The following FGF14 variants were observed in gnomAD, a reference collection of about 807,000 sequenced individuals.
FGF14 encodes the protein fibroblast growth factor 14, also known as fibroblast growth factor homologous factor 4.
Under a neutral mutation model 25.5 loss-of-function variants are expected in FGF14, and 5 were observed. The observed-to-expected ratio is 0.20, with a 90% CI of 0.10 to 0.41. The LOEUF (loss-of-function observed/expected upper bound fraction) is 0.41, where lower values mean the gene tolerates loss of function less well. FGF14 is among the 10% of genes least tolerant of loss of function. FGF14 has a pLI of 1.00. For missense variants in FGF14, 222 were observed against 320.1 expected, an observed-to-expected ratio of 0.69 and a Z score of 2.34; for synonymous variants, 138 against 118.3, an observed-to-expected ratio of 1.17 and a Z score of -1.08.
At chr13:102,288,859 A>G (rs916955828) in intron 1 of FGF14, among the ~76,000 whole-genome samples, 5 of 152,198 alleles carry the variant, frequency 3.3e-5, no homozygotes, top group Non-Finnish European at 7.3e-5. Context: ...TGCTGGGATT[A>G]CAGGCATGAG....
At chr13:102,151,579 A>G (rs559436529) in intron 1 of FGF14, among the ~76,000 whole-genome samples, 2 of 151,276 alleles carry the variant, frequency 1.3e-5, no homozygotes, top group South Asian at 2.1e-4. Flanking sequence ...GCTCAATGCA[A>G]CCTCCTCCTC....
chr13:102,076,877 C>T (rs1423371628), intron 1 of FGF14, among the ~76,000 whole-genome samples: 1 of 151,946 alleles, frequency 6.6e-6, no homozygotes, highest in African/African-American at 2.4e-5. Context: ...TCAAAGCATA[C>T]CACAGAGCTA....
intron 1 of FGF14, among the ~76,000 whole-genome samples, chr13:102,320,989 T>C (rs139598104): frequency 2.2e-4 from 33 of 152,324 alleles, no homozygotes; most frequent in African/African-American, 7.2e-4. Flanking sequence ...GGGCTCAATT[T>C]ATAACCTGGG....
intron 1 of FGF14, among the ~76,000 whole-genome samples, chr13:102,018,083 C>A (rs749884647): frequency 1.3e-5 from 2 of 151,886 alleles, no homozygotes; most frequent in African/African-American, 2.4e-5. Flanking sequence ...CTGTGTCTCT[C>A]TTCTTCTGTT....
intron 3 of FGF14, among the ~76,000 whole-genome samples, chr13:101,850,493 TATATATATATATATATATATA>T (rs1566311198): frequency 0.31 from 1,057 of 3,380 alleles, 218 homozygotes; most frequent in Admixed American, 0.49. Flanking sequence ...TATATATATA[TATATATATATATATATATATA>T]GAATTATATA....
At chr13:101,847,042 A>T (rs1471140072) in intron 3 of FGF14, among the ~76,000 whole-genome samples, 1 of 152,058 alleles carries the variant, frequency 6.6e-6, no homozygotes, top group Non-Finnish European at 1.5e-5. Context: ...TGAAGAAGTT[A>T]AAACATTCGA....
At chr13:102,188,719 C>T (rs949951269) in intron 1 of FGF14, among the ~76,000 whole-genome samples, 1 of 151,958 alleles carries the variant, frequency 6.6e-6, no homozygotes, top group Admixed American at 6.6e-5. Flanking sequence ...GCAGGTGGAT[C>T]ACTTGAGGCC....
At chr13:101,865,377 A>C (rs976316166) in intron 3 of FGF14, among the ~76,000 whole-genome samples, 3 of 152,026 alleles carry the variant, frequency 2.0e-5, no homozygotes, top group African/African-American at 7.2e-5. Context: ...AAACTGTCTA[A>C]TTTTTTGGCA....
intron 3 of FGF14, among the ~76,000 whole-genome samples, chr13:101,830,893 C>G (rs56389622): frequency 0.036 from 5,542 of 152,096 alleles, 131 homozygotes; most frequent in Middle Eastern, 0.075. Flanking sequence ...TGGCTCCTCT[C>G]TTCATCTCTA....
intron 3 of FGF14, among the ~76,000 whole-genome samples, chr13:101,803,312 G>A (rs1263766658): frequency 6.6e-6 from 1 of 151,698 alleles, no homozygotes; most frequent in African/African-American, 2.4e-5. Context: ...AAAAAATTAT[G>A]GAATTGGGGG....
intron 1 of FGF14, among the ~76,000 whole-genome samples, chr13:102,207,346 A>C (rs2049971711): frequency 6.6e-6 from 1 of 151,882 alleles, no homozygotes; most frequent in South Asian, 2.1e-4. Flanking sequence ...CCTTAGATTT[A>C]ATATTTTCTC....
At chr13:102,237,168 G>A (rs896645164) in intron 1 of FGF14, among the ~76,000 whole-genome samples, 5 of 152,290 alleles carry the variant, frequency 3.3e-5, no homozygotes, top group East Asian at 1.9e-4. Context: ...CTGATAGAGC[G>A]TTATCTCAAC....
chr13:102,257,478 A>G (rs1425472790), intron 1 of FGF14, among the ~76,000 whole-genome samples: 1 of 149,160 alleles, frequency 6.7e-6, no homozygotes, highest in Admixed American at 6.8e-5. Flanking sequence ...CAGGAGCCTG[A>G]GTAGTTGGGA....
intron 1 of FGF14, among the ~76,000 whole-genome samples, chr13:101,912,792 T>G (rs2139090960): frequency 6.6e-6 from 1 of 152,274 alleles, no homozygotes; most frequent in East Asian, 1.9e-4. Flanking sequence ...TGTCTAAAAT[T>G]ATCTAGTTAG....
chr13:102,167,312 C>CAAAAAAA (rs10689114), intron 1 of FGF14, among the ~76,000 whole-genome samples: 1 of 72,746 alleles, frequency 1.4e-5, no homozygotes, highest in East Asian at 4.2e-4. Context: ...CACTCCATCT[C>CAAAAAAA]AAAAAAAAAA....
In FGF14 at chr13:102,222,584, A is replaced by G. The variant is rs184644928; in HGVS notation, c.208+178887T>C. ...AAAGAATTCTCTTTTGAGCTGAAAT[A>G]ATCTTCCTTGTACCTCCTTCCCACT... On this transcript the variant is annotated intron_variant, in intron 1 of 4. Coordinates refer to the FGF14 transcript ENST00000376131. Among the ~76,000 whole-genome samples the G allele has an allele frequency of 2.6e-4, 40 of 152,302 alleles. No homozygotes were observed. The East Asian group carries it at 4.2e-3, about 16-fold the overall frequency.
chr13:102,107,153 C>T (rs1004299854), intron 1 of FGF14, among the ~76,000 whole-genome samples: 1 of 60,944 alleles, frequency 1.6e-5, no homozygotes, highest in East Asian at 3.5e-4. Flanking sequence ...ACCAGTTTGC[C>T]TTGTATTCCT....
intron 1 of FGF14, among the ~76,000 whole-genome samples, chr13:102,091,149 G>C (rs1459879042): frequency 6.6e-6 from 1 of 152,184 alleles, no homozygotes; most frequent in African/African-American, 2.4e-5. Flanking sequence ...AATTATACCA[G>C]ATGATGTGGT....
intron 1 of FGF14, among the ~76,000 whole-genome samples, chr13:102,286,147 G>A (rs1217067372): frequency 6.6e-6 from 1 of 152,112 alleles, no homozygotes; most frequent in Non-Finnish European, 1.5e-5. Flanking sequence ...TTATTTAGGG[G>A]CCAGCGTTCC....
Sources: gnomAD v4.1 joint callset for allele counts (sites outside exome capture counted in the v4.1 genomes callset) on GRCh38, gnomAD v4.1.1 for gene constraint, MANE v1.5 for transcripts, NCBI Gene and HGNC (gene_info 2026-07-23, HGNC 2026-07-21) for gene names.